The following RABGAP1L variants were observed in gnomAD, a reference collection of about 807,000 sequenced individuals.
The protein encoded by RABGAP1L is rab GTPase-activating protein 1-like.
Under a neutral mutation model 137.7 loss-of-function variants are expected in RABGAP1L, and 63 were observed. That is an observed-to-expected ratio of 0.46 (90% confidence interval 0.37 to 0.56). The LOEUF is 0.56. RABGAP1L is among the 20% of genes least tolerant of loss of function. The pLI is 0.00. For synonymous variants in RABGAP1L, 431 were observed against 433.7 expected, an observed-to-expected ratio of 0.99 and a Z score of 0.08; for missense variants, 1,095 against 1,244.0, an observed-to-expected ratio of 0.88 and a Z score of 1.80.
chr1:174,215,850 C>G (rs113212334), intron 1 of RABGAP1L, among the ~76,000 whole-genome samples: 22 of 152,172 alleles, frequency 1.4e-4, no homozygotes, highest in African/African-American at 5.1e-4. Flanking sequence ...GATATCTGCA[C>G]TCCCTTGTTT....
At chr1:174,958,004 A>G in intron 20 of RABGAP1L, 1 of 1,550,420 alleles carries the variant, frequency 6.4e-7, no homozygotes, top group Non-Finnish European at 8.7e-7. Flanking sequence ...AAAATGAAAC[A>G]AAAAGGAAAA....
At chr1:174,881,627 A>G (rs747370234) in intron 19 of RABGAP1L, among the ~76,000 whole-genome samples, 14 of 150,488 alleles carry the variant, frequency 9.3e-5, no homozygotes, top group South Asian at 6.3e-4. Flanking sequence ...AGCCTCCCCA[A>G]TAGCTAGGAT....
intron 13 of RABGAP1L, among the ~76,000 whole-genome samples, chr1:174,420,852 T>C (rs1417031547): frequency 6.6e-6 from 1 of 152,040 alleles, no homozygotes; most frequent in Admixed American, 6.5e-5. Flanking sequence ...TTTTTTTGTA[T>C]TTTTAGTAGA....
At chr1:174,472,397 T>G (rs1385397304) in intron 13 of RABGAP1L, among the ~76,000 whole-genome samples, 1 of 152,112 alleles carries the variant, frequency 6.6e-6, no homozygotes, top group Non-Finnish European at 1.5e-5. Context: ...TGGGGAAAAT[T>G]TTTTAAGTCC....
At chr1:174,930,971 A>G (rs1663693551) in intron 19 of RABGAP1L, among the ~76,000 whole-genome samples, 1 of 152,188 alleles carries the variant, frequency 6.6e-6, no homozygotes, top group African/African-American at 2.4e-5. Flanking sequence ...TAATTTACCA[A>G]GTAGGGGATA....
intron 19 of RABGAP1L, among the ~76,000 whole-genome samples, chr1:174,895,064 GT>G (rs1310013914): frequency 1.3e-5 from 2 of 152,102 alleles, no homozygotes; most frequent in East Asian, 3.9e-4. Flanking sequence ...GCCCCAAGTT[GT>G]TTGTTAACAG....
intron 11 of RABGAP1L, among the ~76,000 whole-genome samples, chr1:174,345,099 C>T (rs1346908756): frequency 6.6e-6 from 1 of 152,100 alleles, no homozygotes; most frequent in Non-Finnish European, 1.5e-5. Context: ...TCACTATAGA[C>T]ATATGGATTT....
chr1:174,543,166 A>G (rs1016763385), intron 13 of RABGAP1L, among the ~76,000 whole-genome samples: 1 of 152,096 alleles, frequency 6.6e-6, no homozygotes, highest in African/African-American at 2.4e-5. Flanking sequence ...TTTCTGTCTC[A>G]TTGATCTGTC....
In RABGAP1L at chr1:174,910,820, G is replaced by A. The variant is rs187012767; in HGVS notation, c.2341-46637G>A. On this transcript the variant is annotated intron_variant, in intron 19 of 25. Coordinates refer to ENST00000681986, the MANE Select transcript of RABGAP1L (RefSeq NM_001366446.1). ...TCAGTTATTTTGGGTATATACCTAG[G>A]AGTGGAATTGCTTGCTTAAATCATA... 2.1e-3 allele frequency among the ~76,000 whole-genome samples: 315 copies of A among 152,284 alleles called. 2 individuals are homozygous for A. The highest frequency in any genetic ancestry group is 2.7e-3 in the Non-Finnish European group (186 of 68,012).
chr1:174,359,311 G>T, intron 11 of RABGAP1L, among the ~76,000 whole-genome samples: 1 of 151,858 alleles, frequency 6.6e-6, no homozygotes, highest in East Asian at 1.9e-4. Flanking sequence ...TGCTACAGTA[G>T]GAAATTTAAT....
intron 1 of RABGAP1L, among the ~76,000 whole-genome samples, chr1:174,172,218 A>ATATG (rs1665473331): frequency 8.2e-6 from 1 of 122,180 alleles, no homozygotes; most frequent in Non-Finnish European, 1.7e-5. Context: ...GTGTGTGTGT[A>ATATG]TATATGCCAC....
intron 10 of RABGAP1L, among the ~76,000 whole-genome samples, chr1:174,288,180 A>G (rs1013232009): frequency 6.6e-6 from 1 of 152,182 alleles, no homozygotes; most frequent in African/African-American, 2.4e-5. Flanking sequence ...AAATTATTTT[A>G]GCTATAATTA....
chr1:174,806,004 C>CT (rs1007404017), intron 18 of RABGAP1L, among the ~76,000 whole-genome samples: 22 of 152,186 alleles, frequency 1.4e-4, no homozygotes, highest in African/African-American at 5.1e-4. Context: ...TAGAAAAGCT[C>CT]TAACAATTTC....
At chr1:174,668,619 A>G (rs1676953239) in intron 14 of RABGAP1L, among the ~76,000 whole-genome samples, 1 of 152,174 alleles carries the variant, frequency 6.6e-6, no homozygotes, top group Admixed American at 6.6e-5. Context: ...TCTTTTGTAT[A>G]TATACCCAGT....
intron 13 of RABGAP1L, among the ~76,000 whole-genome samples, chr1:174,580,050 C>G (rs1668623428): frequency 6.6e-6 from 1 of 152,176 alleles, no homozygotes; most frequent in African/African-American, 2.4e-5. Flanking sequence ...GCATGAGACA[C>G]CGTGGCCAGC....
At chr1:174,478,163 G>A (rs1658701130) in intron 13 of RABGAP1L, among the ~76,000 whole-genome samples, 1 of 151,762 alleles carries the variant, frequency 6.6e-6, no homozygotes, top group African/African-American at 2.4e-5. Flanking sequence ...TTGAACTTTA[G>A]TCCCCTCTGT....
rs536806284 is a variant in RABGAP1L, at chr1:174,974,141, AC to A, written c.2545-1935del. 1.6e-4 allele frequency among the ~76,000 whole-genome samples: 24 copies of A among 152,114 alleles called. No individual in the cohort carries two copies. The South Asian group carries it at 5.0e-3, about 32-fold the overall frequency. On this transcript the variant is annotated intron_variant, in intron 21 of 25. Transcript: ENST00000681986. ...GTAGCTGGGACTACAGGCACCTGCC[AC>A]CATGCCCGGCTAATTTTTTTTGTAT...
chr1:174,167,007 G>A (rs1370902003), intron 1 of RABGAP1L, among the ~76,000 whole-genome samples: 2 of 152,190 alleles, frequency 1.3e-5, no homozygotes, highest in Admixed American at 1.3e-4. Context: ...ATTGCCACAC[G>A]ATTTTCTTCA....
At chr1:174,941,051 C>G (rs1665779098) in intron 19 of RABGAP1L, among the ~76,000 whole-genome samples, 1 of 145,034 alleles carries the variant, frequency 6.9e-6, no homozygotes, top group Admixed American at 6.8e-5. Flanking sequence ...TTAGCACATT[C>G]AGTAGGCCCA....
Sources: allele counts gnomAD v4.1 joint callset (sites outside exome capture counted in the v4.1 genomes callset), GRCh38; gene constraint gnomAD v4.1.1; transcripts MANE v1.5; gene names NCBI Gene and HGNC (gene_info 2026-07-23, HGNC 2026-07-21).